PPP1R9A: variants seen among roughly 807,000 people sequenced by gnomAD.
PPP1R9A encodes protein phosphatase 1 regulatory subunit 9A, also known as neurabin-1.
A neutral mutation model predicts 141.9 loss-of-function variants in PPP1R9A; 59 were observed. That is an observed-to-expected ratio of 0.42 (90% confidence interval 0.34 to 0.52). The LOEUF is 0.52. Among genes scored for constraint, PPP1R9A ranks in the 20% least tolerant of loss-of-function variants. The pLI is 0.10. For missense variants in PPP1R9A, 1,444 were observed against 1,611.9 expected (o/e 0.90, Z 1.78); for synonymous variants, 500 against 569.7 (o/e 0.88, Z 1.74).
chr7:95,140,380 A>G (rs1782703472), intron 4 of PPP1R9A, among the ~76,000 whole-genome samples: 1 of 152,118 alleles, frequency 6.6e-6, no homozygotes, highest in Non-Finnish European at 1.5e-5. Context: ...TTTTCAATCA[A>G]TTATAATTGC....
intron 3 of PPP1R9A, among the ~76,000 whole-genome samples, chr7:95,118,245 T>A (rs1037885863): frequency 1.8e-4 from 27 of 152,170 alleles, no homozygotes; most frequent in Non-Finnish European, 3.5e-4. Flanking sequence ...AAAACTATAA[T>A]GAATGTAGAA....
At chr7:94,993,962 G>A (rs914810346) in intron 2 of PPP1R9A, among the ~76,000 whole-genome samples, 1 of 152,118 alleles carries the variant, frequency 6.6e-6, no homozygotes, top group Non-Finnish European at 1.5e-5. Flanking sequence ...GGGAGGAAAA[G>A]AAATATCTTT....
chr7:95,230,410 A>T (rs1459403068), intron 8 of PPP1R9A, among the ~76,000 whole-genome samples: 3 of 152,106 alleles, frequency 2.0e-5, no homozygotes, highest in Non-Finnish European at 4.4e-5. Context: ...AAGACATCAA[A>T]AACATAATAC....
chr7:94,990,589 A>G (rs1467594496), intron 2 of PPP1R9A, among the ~76,000 whole-genome samples: 4 of 152,104 alleles, frequency 2.6e-5, no homozygotes, highest in Non-Finnish European at 4.4e-5. Flanking sequence ...GCTATATGAA[A>G]CTATGTATTA....
At chr7:94,932,939 A>G (rs142162759) in intron 2 of PPP1R9A, among the ~76,000 whole-genome samples, 1 of 152,222 alleles carries the variant, frequency 6.6e-6, no homozygotes, top group African/African-American at 2.4e-5. Context: ...AGATGTGACT[A>G]TATGATAAAA....
rs572448174 is a variant in PPP1R9A at position 94,961,052 on chromosome 7, G to C, written c.1395+49544G>C. On this transcript the variant is annotated intron_variant, in intron 2 of 19. Transcript: ENST00000433360. ...GCCTTTCCTCTATGTAAATTAGTTT[G>C]AATAGGTAAAGGGGAGAATTGAGTA... 9.9e-5 allele frequency among the ~76,000 whole-genome samples: 15 copies of C among 151,654 alleles called. No homozygotes were observed. In the East Asian group the frequency reaches 2.3e-3, roughly 24 times the overall value.
chr7:94,963,070 C>G (rs549431433), intron 2 of PPP1R9A, among the ~76,000 whole-genome samples: 2 of 152,010 alleles, frequency 1.3e-5, no homozygotes, highest in African/African-American at 4.8e-5. Flanking sequence ...ATTCAAGATA[C>G]TTGGGGAATC....
At chr7:95,152,819 C>A (rs1041809340) in intron 4 of PPP1R9A, among the ~76,000 whole-genome samples, 1 of 148,340 alleles carries the variant, frequency 6.7e-6, no homozygotes, top group East Asian at 2.0e-4. Flanking sequence ...TAGGAAATAT[C>A]ATTCTCTACA....
intron 2 of PPP1R9A, among the ~76,000 whole-genome samples, chr7:94,990,557 A>G (rs1052669085): frequency 1.3e-5 from 2 of 152,102 alleles, no homozygotes; most frequent in African/African-American, 4.8e-5. Context: ...TTGTGTTGGG[A>G]ATGTTTAATA....
chr7:95,285,304 C>A (rs905310071), intron 17 of PPP1R9A, among the ~76,000 whole-genome samples: 1 of 152,170 alleles, frequency 6.6e-6, no homozygotes, highest in Non-Finnish European at 1.5e-5. Context: ...GAAATCCATC[C>A]ATTTTAGAAT....
At chr7:94,953,720 A>G (rs577953922) in intron 2 of PPP1R9A, among the ~76,000 whole-genome samples, 2 of 152,182 alleles carry the variant, frequency 1.3e-5, no homozygotes, top group East Asian at 3.9e-4. Context: ...TCTTTGTAGC[A>G]GTTATGAATG....
At chr7:95,177,594 A>G (rs888180284) in intron 5 of PPP1R9A, among the ~76,000 whole-genome samples, 1 of 152,206 alleles carries the variant, frequency 6.6e-6, no homozygotes, top group Non-Finnish European at 1.5e-5. Flanking sequence ...GAACAGCAGA[A>G]TGGGTAAGAA....
intron 8 of PPP1R9A, among the ~76,000 whole-genome samples, chr7:95,231,479 G>C (rs1489728508): frequency 8.5e-5 from 13 of 152,096 alleles, no homozygotes; most frequent in Admixed American, 8.5e-4. Context: ...ACTTCTCCAA[G>C]ATAGACCTTA....
At chr7:94,909,391 A>G (rs2150572749) in intron 1 of PPP1R9A, among the ~76,000 whole-genome samples, 1 of 152,358 alleles carries the variant, frequency 6.6e-6, no homozygotes, top group East Asian at 1.9e-4. Flanking sequence ...TTGGACCAAA[A>G]AAAGTAAAAT....
rs776390596 is a variant in PPP1R9A, at chr7:95,120,884, G to C, written c.1649+52G>C. The C allele has an allele frequency of 1.9e-6, 3 of 1,549,076 alleles. No homozygotes were observed. The African/African-American group carries it at 4.1e-5, about 21-fold the overall frequency. On this transcript the variant is annotated intron_variant, in intron 4 of 19. Transcript: ENST00000433360. ...TTAAAATCTTTAGAGAACTTTCCTGGAAGTTTCCTTCAGTTGTAGCTTTTT... is the reference window on the plus strand; with the variant it reads ...TTAAAATCTTTAGAGAACTTTCCTGCAAGTTTCCTTCAGTTGTAGCTTTTT...
At chr7:95,075,488 G>A (rs1336154452) in intron 2 of PPP1R9A, among the ~76,000 whole-genome samples, 1 of 152,104 alleles carries the variant, frequency 6.6e-6, no homozygotes, top group Non-Finnish European at 1.5e-5. Flanking sequence ...ACTCAGGGAG[G>A]TGGTTAGAAT....
chr7:95,096,994 G>A (rs1270050455), intron 2 of PPP1R9A, among the ~76,000 whole-genome samples: 2 of 151,920 alleles, frequency 1.3e-5, no homozygotes, highest in Non-Finnish European at 2.9e-5. Flanking sequence ...CCTTTATTAC[G>A]GCCCTTATGT....
Position 95,120,752 on chromosome 7 carries a change from T to C in PPP1R9A, c.1569T>C (p.Val523=), listed in dbSNP as rs1172702764. Residue 523 remains valine, a synonymous_variant, in exon 4 of 20, where the codon GTT becomes GTC. Transcript: ENST00000433360. Reference sequence around the variant, plus strand: ...GTATAAGTATTATTGGAATGGGTGTTGGAGCAGATGCTGGACTTGAAAAGC... The same window carrying C: ...GTATAAGTATTATTGGAATGGGTGTCGGAGCAGATGCTGGACTTGAAAAGC... The part of the protein sequence containing the change: ...GLGISIIGMG[V]GADAGLEKLG... 6.2e-7 allele frequency: 1 copy of C among 1,614,028 alleles called. No individual in the cohort carries two copies. The highest frequency in any genetic ancestry group is 1.1e-5 in the South Asian group (1 of 91,072).
chr7:95,018,205 G>T, intron 2 of PPP1R9A: 2 of 226,176 alleles, frequency 8.8e-6, no homozygotes, highest in South Asian at 1.7e-4. Context: ...ACATGAAGAT[G>T]AACATGATAG....
Sources: gnomAD v4.1 joint callset for allele counts (sites outside exome capture counted in the v4.1 genomes callset) on GRCh38, gnomAD v4.1.1 for gene constraint, MANE v1.5 for transcripts, NCBI Gene and HGNC (gene_info 2026-07-23, HGNC 2026-07-21) for gene names.